The following OR8D1 variants were observed in gnomAD, a reference collection of about 807,000 sequenced individuals.
OR8D1 encodes the protein olfactory receptor 8D1.
For synonymous variants in OR8D1, 143 were observed against 147.0 expected (o/e 0.97, Z 0.20); for missense variants, 384 against 366.8 (o/e 1.05, Z -0.38).
rs1050422760 is a variant in OR8D1 at position 124,307,089 on chromosome 11, A to G, written c.*2751T>C. On this transcript the variant is annotated 3_prime_UTR_variant, in exon 3 of 3. Coordinates refer to ENST00000641015, the MANE Select transcript of OR8D1 (RefSeq NM_001002917.2). Reference sequence around the variant, plus strand: ...ATTTTGTCTAATGCTAGAGCTTGGTATTAAGAAATTTATTTGCCCCAAAAT... The same window carrying G: ...ATTTTGTCTAATGCTAGAGCTTGGTGTTAAGAAATTTATTTGCCCCAAAAT... 3.3e-5 allele frequency: 5 copies of G among 151,978 alleles called. No homozygotes were observed. In the East Asian group the frequency reaches 7.8e-4, roughly 24 times the overall value. 9.4% of individuals were successfully genotyped at this position (151,978 alleles called of 1,614,324 possible).
In OR8D1 at chr11:124,308,587, A is replaced by C. The variant is rs1862386563; in HGVS notation, c.*1253T>G. ...GGTAGACAAGCTTTGTTAGAACAGT[A>C]GGATTTTGGTAGATACAAAATTTAC... On this transcript the variant is annotated 3_prime_UTR_variant, in exon 3 of 3. Coordinates refer to ENST00000641015, the MANE Select transcript of OR8D1 (RefSeq NM_001002917.2). 1 of 152,146 alleles carries C rather than the reference A, an allele frequency of 6.6e-6. No individual in the cohort carries two copies. 9.4% of individuals were successfully genotyped at this position (152,146 alleles called of 1,614,324 possible). A position where few individuals can be genotyped will look rare whatever the true frequency, so the allele number is the denominator to read the frequency against.
In OR8D1 at chr11:124,309,237, G is replaced by A. The variant is rs1024601970; in HGVS notation, c.*603C>T. 1.4e-5 allele frequency: 2 copies of A among 145,854 alleles called. No homozygotes were observed. Among genetic ancestry groups the A allele is most frequent in the Admixed American group, 6.9e-5 (1 of 14,478 alleles). The allele number at this position is 145,854 out of a possible 1,614,324, so 9.0% of individuals were successfully genotyped here. On this transcript the variant is annotated 3_prime_UTR_variant, in exon 3 of 3. Transcript: ENST00000641015. ...AAACCAGATCCATGAAGAACAACAA[G>A]GAAATGAAAATAAAGAGATTTTTAA...
intron 2 of OR8D1, 22 bp from the exon 3 acceptor site, chr11:124,310,804 A>G: frequency 1.3e-6 from 2 of 1,524,584 alleles, no homozygotes; most frequent in Admixed American, 3.5e-5. Flanking sequence ...GAAAGTATGA[A>G]TTACCTTAAC....
rs759653298 is a variant in OR8D1 at position 124,306,959 on chromosome 11, G to A, written c.*2881C>T. The A allele has an allele frequency of 6.6e-6, 1 of 152,002 alleles. No individual in the cohort carries two copies. The highest frequency in any genetic ancestry group is 1.5e-5 in the Non-Finnish European group (1 of 67,990). The allele number at this position is 152,002 out of a possible 1,614,324, so 9.4% of individuals were successfully genotyped here. ...TTTTTGTTGTTCTTTTTGAGAGTTA[G>A]CATATTTTAGAAACAATATATCCTT... On this transcript the variant is annotated 3_prime_UTR_variant, in exon 3 of 3. Coordinates refer to ENST00000641015, the MANE Select transcript of OR8D1 (RefSeq NM_001002917.2).
At position 124,303,469 on chromosome 11, in the gene OR8D1, G is replaced by T. The variant is rs998188698; in HGVS notation, c.*6371C>A. ...TCCATTTGTTTATTGGCTACTGGAC[G>T]TTCTGTTTTCAATGTAAATTGCTGC... On this transcript the variant is annotated 3_prime_UTR_variant, in exon 3 of 3. Coordinates refer to ENST00000641015, the MANE Select transcript of OR8D1 (RefSeq NM_001002917.2). The T allele has an allele frequency of 2.0e-5, 3 of 152,032 alleles. No individual in the cohort carries two copies. Among genetic ancestry groups the T allele is most frequent in the African/African-American group, 7.2e-5 (3 of 41,412 alleles). The allele number at this position is 152,032 out of a possible 1,614,324, so 9.4% of individuals were successfully genotyped here.
In OR8D1 at chr11:124,303,713, C is replaced by G. The variant is rs148259626; in HGVS notation, c.*6127G>C. Reference sequence around the variant, plus strand: ...TTTAAAAATTATGCTCACTTGAAGTCATAAAGTCCTCTGTTTTCTTATTTT... The same window carrying G: ...TTTAAAAATTATGCTCACTTGAAGTGATAAAGTCCTCTGTTTTCTTATTTT... On this transcript the variant is annotated 3_prime_UTR_variant, in exon 3 of 3. Transcript: ENST00000641015. 21 of 151,954 alleles carry G rather than the reference C, an allele frequency of 1.4e-4. No homozygotes were observed. The highest frequency in any genetic ancestry group is 5.3e-4 in the Admixed American group (8 of 15,226). The allele number at this position is 151,954 out of a possible 1,614,324, so 9.4% of individuals were successfully genotyped here.
rs1378543734 is a variant in OR8D1 at position 124,307,408 on chromosome 11, A to T, written c.*2432T>A. On this transcript the variant is annotated 3_prime_UTR_variant, in exon 3 of 3. Coordinates refer to ENST00000641015, the MANE Select transcript of OR8D1 (RefSeq NM_001002917.2). ...ATATACAGAAGAGTTGTTTACAAAT[A>T]AGTGAATAACTTTAGAAGAGCACAG... is the stretch of plus-strand genomic sequence containing the variant. 6.6e-6 allele frequency: 1 copy of T among 152,174 alleles called. No homozygotes were observed. The highest frequency in any genetic ancestry group is 6.6e-5 in the Admixed American group (1 of 15,254). The allele number at this position is 152,174 out of a possible 1,614,324, so 9.4% of individuals were successfully genotyped here.
In OR8D1 at chr11:124,304,395, G is replaced by A. The variant is rs1292621729; in HGVS notation, c.*5445C>T. On this transcript the variant is annotated 3_prime_UTR_variant, in exon 3 of 3. Coordinates refer to ENST00000641015, the MANE Select transcript of OR8D1 (RefSeq NM_001002917.2). The stretch of plus-strand genomic sequence containing the variant: ...GATTGTCCCTTTTTATTACTAAGTG[G>A]TGTTCCATTATACATATATTCCATA... 6.6e-6 allele frequency: 1 copy of A among 151,866 alleles called. No individual in the cohort carries two copies. Among genetic ancestry groups the A allele is most frequent in the African/African-American group, 2.4e-5 (1 of 41,390 alleles). 9.4% of individuals were successfully genotyped at this position (151,866 alleles called of 1,614,324 possible).
At position 124,303,472 on chromosome 11, in the gene OR8D1, C is replaced by G. The variant is rs955323771; in HGVS notation, c.*6368G>C. ...ATTTGTTTATTGGCTACTGGACGTT[C>G]TGTTTTCAATGTAAATTGCTGCTTA... On this transcript the variant is annotated 3_prime_UTR_variant, in exon 3 of 3. Coordinates refer to ENST00000641015, the MANE Select transcript of OR8D1 (RefSeq NM_001002917.2). 2 of 152,054 alleles carry G rather than the reference C, an allele frequency of 1.3e-5. No individual in the cohort carries two copies. The highest frequency in any genetic ancestry group is 4.8e-5 in the African/African-American group (2 of 41,440). The allele number at this position is 152,054 out of a possible 1,614,324, so 9.4% of individuals were successfully genotyped here. A position where few individuals can be genotyped will look rare whatever the true frequency, so the allele number is the denominator to read the frequency against.
In OR8D1 at chr11:124,305,375, T is replaced by A. The variant is rs1390954355; in HGVS notation, c.*4465A>T. 2 of 151,402 alleles carry A rather than the reference T, an allele frequency of 1.3e-5. No individual in the cohort carries two copies. The highest frequency in any genetic ancestry group is 2.4e-5 in the African/African-American group (1 of 41,216). 9.4% of individuals were successfully genotyped at this position (151,402 alleles called of 1,614,324 possible). ...ACAAAATTCTTGGAAATGCTAATAA[T>A]CTACAATGACAAAAGTGGATTCATG... On this transcript the variant is annotated 3_prime_UTR_variant, in exon 3 of 3. Transcript: ENST00000641015.
At position 124,304,371 on chromosome 11, in the gene OR8D1, A is replaced by C. The variant is rs747944734; in HGVS notation, c.*5469T>G. On this transcript the variant is annotated 3_prime_UTR_variant, in exon 3 of 3. Coordinates refer to ENST00000641015, the MANE Select transcript of OR8D1 (RefSeq NM_001002917.2). The stretch of plus-strand genomic sequence containing the variant: ...TCTGTTTGGTTGCATGCCTCGATAG[A>C]TTGTCCCTTTTTATTACTAAGTGGT... 2 of 151,886 alleles carry C rather than the reference A, an allele frequency of 1.3e-5. No individual in the cohort carries two copies. Among genetic ancestry groups the C allele is most frequent in the African/African-American group, 4.8e-5 (2 of 41,418 alleles). The allele number at this position is 151,886 out of a possible 1,614,324, so 9.4% of individuals were successfully genotyped here.
At position 124,304,366 on chromosome 11, in the gene OR8D1, G is replaced by A. The variant is rs1862349610; in HGVS notation, c.*5474C>T. On this transcript the variant is annotated 3_prime_UTR_variant, in exon 3 of 3. Transcript: ENST00000641015. ...ATTCATCTGTTTGGTTGCATGCCTCGATAGATTGTCCCTTTTTATTACTAA... is the reference window on the plus strand; with the variant it reads ...ATTCATCTGTTTGGTTGCATGCCTCAATAGATTGTCCCTTTTTATTACTAA... The A allele has an allele frequency of 2.0e-5, 3 of 151,856 alleles. No individual in the cohort carries two copies. The highest frequency in any genetic ancestry group is 1.3e-4 in the Admixed American group (2 of 15,204). The allele number at this position is 151,856 out of a possible 1,614,324, so 9.4% of individuals were successfully genotyped here.
rs1306401996 is a variant in OR8D1 at position 124,308,039 on chromosome 11, A to G, written c.*1801T>C. On this transcript the variant is annotated 3_prime_UTR_variant, in exon 3 of 3. Coordinates refer to ENST00000641015, the MANE Select transcript of OR8D1 (RefSeq NM_001002917.2). ...GAAACAGTTCAATTGAATTATTGCA[A>G]AGCTAACAACTAAGAATACAGTTTT... is the stretch of plus-strand genomic sequence containing the variant. 4.6e-5 allele frequency: 7 copies of G among 152,296 alleles called. No individual in the cohort carries two copies. The allele number at this position is 152,296 out of a possible 1,614,324, so 9.4% of individuals were successfully genotyped here.
Position 124,309,254 on chromosome 11 carries a change from G to C in OR8D1, c.*586C>G, listed in dbSNP as rs1862394601. Reference sequence around the variant, plus strand: ...AACAACAAGGAAATGAAAATAAAGAGATTTTTAATATACTGAGTAGAAAAA... The same window carrying C: ...AACAACAAGGAAATGAAAATAAAGACATTTTTAATATACTGAGTAGAAAAA... On this transcript the variant is annotated 3_prime_UTR_variant, in exon 3 of 3. Coordinates refer to ENST00000641015, the MANE Select transcript of OR8D1 (RefSeq NM_001002917.2). 1 of 151,730 alleles carries C rather than the reference G, an allele frequency of 6.6e-6. No individual in the cohort carries two copies. The highest frequency in any genetic ancestry group is 2.1e-4 in the South Asian group (1 of 4,816). 9.4% of individuals were successfully genotyped at this position (151,730 alleles called of 1,614,324 possible).
chr11:124,312,524 T>C (rs1263738696), intron 1 of OR8D1, among the ~76,000 whole-genome samples: 1 of 150,332 alleles, frequency 6.7e-6, no homozygotes, highest in Non-Finnish European at 1.5e-5. Flanking sequence ...CTTTCTTTTT[T>C]TTTTTTTTTT....
rs551990550 is a variant in OR8D1 at position 124,313,269 on chromosome 11, G to GGA, written c.-122+450_-122+451dup. Among the ~76,000 whole-genome samples the GGA allele has an allele frequency of 3.9e-3, 552 of 141,252 alleles. 2 individuals carry two copies. Among genetic ancestry groups the GGA allele is most frequent in the Non-Finnish European group, 5.9e-3 (391 of 65,814 alleles). 92.7% of individuals were successfully genotyped at this position (141,252 alleles called of 152,430 possible). A position where few individuals can be genotyped will look rare whatever the true frequency, so the allele number is the denominator to read the frequency against. ...GGGAGGGAAGGAAGGAGGGAAGGAA[G>GGA]GAGAGAGAGAGAGAAAGAAAAAAGG... On this transcript the variant is annotated intron_variant, in intron 1 of 2. Coordinates refer to ENST00000641015, the MANE Select transcript of OR8D1 (RefSeq NM_001002917.2).
At position 124,306,558 on chromosome 11, in the gene OR8D1, T is replaced by C. The variant is rs1862370460; in HGVS notation, c.*3282A>G. On this transcript the variant is annotated 3_prime_UTR_variant, in exon 3 of 3. Coordinates refer to ENST00000641015, the MANE Select transcript of OR8D1 (RefSeq NM_001002917.2). ...TCCATTGTCCTTATTTTCCCTTCTG[T>C]AGTAAGACAAAAACATCCTAATAGT... 6.6e-6 allele frequency: 1 copy of C among 151,858 alleles called. No homozygotes were observed. The highest frequency in any genetic ancestry group is 2.4e-5 in the African/African-American group (1 of 41,376). 9.4% of individuals were successfully genotyped at this position (151,858 alleles called of 1,614,324 possible). A position where few individuals can be genotyped will look rare whatever the true frequency, so the allele number is the denominator to read the frequency against.
At position 124,307,827 on chromosome 11, in the gene OR8D1, C is replaced by T. The variant is rs919629319; in HGVS notation, c.*2013G>A. ...TCTCACCAAATGGTCTCAAGCTCTCCCTGGATTTGTTAAATGTATAAGTTC... is the reference window on the plus strand; with the variant it reads ...TCTCACCAAATGGTCTCAAGCTCTCTCTGGATTTGTTAAATGTATAAGTTC... On this transcript the variant is annotated 3_prime_UTR_variant, in exon 3 of 3. Coordinates refer to ENST00000641015, the MANE Select transcript of OR8D1 (RefSeq NM_001002917.2). 1 of 151,994 alleles carries T rather than the reference C, an allele frequency of 6.6e-6. No individual in the cohort carries two copies. Among genetic ancestry groups the T allele is most frequent in the African/African-American group, 2.4e-5 (1 of 41,386 alleles). 9.4% of individuals were successfully genotyped at this position (151,994 alleles called of 1,614,324 possible).
Position 124,308,908 on chromosome 11 carries a change from A to G in OR8D1, c.*932T>C, listed in dbSNP as rs1862390231. ...ACATACAAAAGCTAAAAACAAAAAC[A>G]GAAGGAAATGTTACATGAGACCTAA... On this transcript the variant is annotated 3_prime_UTR_variant, in exon 3 of 3. Coordinates refer to ENST00000641015, the MANE Select transcript of OR8D1 (RefSeq NM_001002917.2). 6.6e-6 allele frequency: 1 copy of G among 152,182 alleles called. No individual in the cohort carries two copies. Among genetic ancestry groups the G allele is most frequent in the African/African-American group, 2.4e-5 (1 of 41,440 alleles). 9.4% of individuals were successfully genotyped at this position (152,182 alleles called of 1,614,324 possible).
Sources: allele counts gnomAD v4.1 joint callset (sites outside exome capture counted in the v4.1 genomes callset), GRCh38; gene constraint gnomAD v4.1.1; transcripts MANE v1.5; gene names NCBI Gene and HGNC (gene_info 2026-07-23, HGNC 2026-07-21).